CYTH4: variants seen among roughly 807,000 people sequenced by gnomAD.
CYTH4 encodes cytohesin 4, also known as cytohesin-4.
A neutral mutation model predicts 57.5 loss-of-function variants in CYTH4; 22 were observed. The observed-to-expected ratio is 0.38, with a 90% confidence interval of 0.27 to 0.55. The LOEUF is 0.55. Ranked by LOEUF, CYTH4 falls within the 20% of genes least tolerant of loss-of-function variation. CYTH4 has a pLI of 0.74. For synonymous variants in CYTH4, 186 were observed against 206.5 expected, an observed-to-expected ratio of 0.90 and a Z score of 0.85; for missense variants, 420 against 535.6, an observed-to-expected ratio of 0.78 and a Z score of 2.13.
intron 1 of CYTH4, among the ~76,000 whole-genome samples, chr22:37,285,580 G>A (rs973407470): frequency 1.3e-5 from 2 of 151,924 alleles, no homozygotes; most frequent in African/African-American, 2.4e-5. Context: ...GCCTGGTGGT[G>A]GGCGCCTGTA....
chr22:37,311,399 C>T lies in CYTH4; in HGVS notation c.886-57C>T. 2 of 1,475,588 alleles carry T rather than the reference C, an allele frequency of 1.4e-6. No homozygotes were observed. Among genetic ancestry groups the T allele is most frequent in the Admixed American group, 1.7e-5 (1 of 59,578 alleles). The allele number at this position is 1,475,588 out of a possible 1,614,324, so 91.4% of individuals were successfully genotyped here. On this transcript the variant is annotated intron_variant, in intron 10 of 12. Coordinates refer to ENST00000248901, the MANE Select transcript of CYTH4 (RefSeq NM_013385.5). This position sits in a 1 kb window ranked among gnomAD's most constrained non-coding sequence, Gnocchi z 4.4. ...GGGAACCCCACACGTTCACACCCTG[C>T]CTTGGGCCTCAGGGTTCCGCTTCCT...
intron 8 of CYTH4, among the ~76,000 whole-genome samples, chr22:37,308,518 G>A (rs971061002): frequency 6.6e-6 from 1 of 151,082 alleles, no homozygotes; most frequent in Non-Finnish European, 1.5e-5. Flanking sequence ...GTGAGCGTGT[G>A]TATATGTGTC....
chr22:37,286,698 G>A (rs1249569599), intron 1 of CYTH4, among the ~76,000 whole-genome samples: 1 of 152,168 alleles, frequency 6.6e-6, no homozygotes, highest in African/African-American at 2.4e-5. Flanking sequence ...GCTTTTGGAA[G>A]GCTAGAGCTC....
chr22:37,294,848 G>A, intron 3 of CYTH4, 124 bp downstream of exon 3: 1 of 1,180,810 alleles, frequency 8.5e-7, no homozygotes, highest in Non-Finnish European at 1.2e-6. Flanking sequence ...GATTGGCCAG[G>A]GAGAAGGAGG....
At chr22:37,310,812 C>A (rs1215129258) in intron 9 of CYTH4, among the ~76,000 whole-genome samples, 176 bp from the exon 10 acceptor site, 1 of 152,116 alleles carries the variant, frequency 6.6e-6, no homozygotes, top group African/African-American at 2.4e-5. Context: ...ATTACAGGAG[C>A]CACTAAGGTT....
In CYTH4 at chr22:37,298,011, G is replaced by A. The variant is rs996179582; in HGVS notation, c.353+329G>A. ...GTGGGAGAGACAGGTCTCAATAGTT[G>A]TAAAATATGTTAGAGAATGATAAGC... On this transcript the variant is annotated intron_variant, in intron 5 of 12. Coordinates refer to ENST00000248901, the MANE Select transcript of CYTH4 (RefSeq NM_013385.5). The surrounding 1 kb of genome is among the most constrained non-coding windows in gnomAD (Gnocchi z 4.1). 2 of 207,666 alleles carry A rather than the reference G, an allele frequency of 9.6e-6. No individual in the cohort carries two copies. The highest frequency in any genetic ancestry group is 4.6e-5 in the African/African-American group (2 of 43,042). The allele number at this position is 207,666 out of a possible 1,614,324, so 12.9% of individuals were successfully genotyped here.
At chr22:37,313,311 G>T (rs1243202333) in intron 12 of CYTH4, 128 bp from the exon 13 acceptor site, 1 of 886,790 alleles carries the variant, frequency 1.1e-6, no homozygotes, top group South Asian at 1.5e-5. Context: ...GGGCCATCTG[G>T]CCTTTCCCCC....
At position 37,300,632 on chromosome 22, in the gene CYTH4, G is replaced by A. The variant is rs1929144052; in HGVS notation, c.435-275G>A. 2.0e-5 allele frequency among the ~76,000 whole-genome samples: 3 copies of A among 152,352 alleles called. No homozygotes were observed. The South Asian group carries it at 6.2e-4, about 32-fold the overall frequency. On this transcript the variant is annotated intron_variant, in intron 6 of 12. Coordinates refer to ENST00000248901, the MANE Select transcript of CYTH4 (RefSeq NM_013385.5). Reference sequence around the variant, plus strand: ...GCAGAGGCCGTCCCCCTTCCCAGCTGAGGCAGACTGGGCTGCAGTCAGTGC... The same window carrying A: ...GCAGAGGCCGTCCCCCTTCCCAGCTAAGGCAGACTGGGCTGCAGTCAGTGC...
Position 37,282,553 on chromosome 22 carries a change from T to C in CYTH4, c.-17T>C, listed in dbSNP as rs1243715833. 6.2e-7 allele frequency: 1 copy of C among 1,613,818 alleles called. No individual in the cohort carries two copies. Among genetic ancestry groups the C allele is most frequent in the South Asian group, 1.1e-5 (1 of 91,048 alleles). ...AGCGACAGGAGCACGGGTCATCTTT[T>C]CCCCAGAGGCGTCGGAATGGACCTG... On this transcript the variant is annotated 5_prime_UTR_variant, in exon 1 of 13. Coordinates refer to ENST00000248901, the MANE Select transcript of CYTH4 (RefSeq NM_013385.5).
intron 7 of CYTH4, chr22:37,302,022 A>T (rs1313469487): frequency 1.8e-5 from 3 of 168,836 alleles, no homozygotes; most frequent in African/African-American, 7.2e-5. Flanking sequence ...CCATACATCA[A>T]CCGTTTGAGG....
chr22:37,292,233 A>C, intron 1 of CYTH4: 1 of 181,078 alleles, frequency 5.5e-6, no homozygotes, highest in Non-Finnish European at 1.2e-5. Context: ...CGGGGAAGGA[A>C]TGCGTGCCTT....
rs768992143 is a variant in CYTH4, at chr22:37,282,559, G to A, written c.-11G>A. The A allele has an allele frequency of 4.6e-5, 74 of 1,613,704 alleles. No homozygotes were observed. The highest frequency in any genetic ancestry group is 5.9e-5 in the Non-Finnish European group (70 of 1,179,882). On this transcript the variant is annotated 5_prime_UTR_variant, in exon 1 of 13. Coordinates refer to ENST00000248901, the MANE Select transcript of CYTH4 (RefSeq NM_013385.5). The stretch of plus-strand genomic sequence containing the variant: ...AGGAGCACGGGTCATCTTTTCCCCA[G>A]AGGCGTCGGAATGGACCTGTGCCAC...
At chr22:37,288,360 A>G (rs1928626250) in intron 1 of CYTH4, among the ~76,000 whole-genome samples, 1 of 151,564 alleles carries the variant, frequency 6.6e-6, no homozygotes, top group Non-Finnish European at 1.5e-5. Context: ...TGCAGTGAGC[A>G]AAGGTCGTGC....
chr22:37,310,569 T>C (rs1007088142), intron 9 of CYTH4, among the ~76,000 whole-genome samples: 7 of 152,242 alleles, frequency 4.6e-5, no homozygotes, highest in Non-Finnish European at 1.0e-4. Flanking sequence ...CTCCTCTTCA[T>C]ACGTGGTTGT....
rs1473224821 is a variant in CYTH4, at chr22:37,310,031, A to C, written c.808+708A>C. The C allele has an allele frequency of 1.3e-5, 6 of 468,704 alleles. No homozygotes were observed. In the East Asian group the frequency reaches 2.8e-4, roughly 22 times the overall value. 29.0% of individuals were successfully genotyped at this position (468,704 alleles called of 1,614,324 possible). On this transcript the variant is annotated intron_variant, in intron 9 of 12. Transcript: ENST00000248901. ...AAGCCGGGGACAGCGCCTCCAGGGC[A>C]GGTGAGGACAGATGCCTCATGTTGA...
intron 8 of CYTH4, among the ~76,000 whole-genome samples, chr22:37,306,536 A>G (rs1165762294): frequency 6.6e-6 from 1 of 152,264 alleles, no homozygotes; most frequent in Non-Finnish European, 1.5e-5. Context: ...CCCTCTGCAG[A>G]GGCCAGAAGC....
intron 1 of CYTH4, among the ~76,000 whole-genome samples, chr22:37,283,345 C>T (rs1408208639): frequency 6.6e-6 from 1 of 152,152 alleles, no homozygotes; most frequent in East Asian, 1.9e-4. Flanking sequence ...AATTGAAGGC[C>T]CGGTAGAGGG....
intron 1 of CYTH4, 86 bp downstream of exon 1, chr22:37,282,674 T>TA (rs1323577825): frequency 9.8e-6 from 12 of 1,223,016 alleles, no homozygotes; most frequent in Non-Finnish European, 1.4e-5. Flanking sequence ...GGGTCCTAGA[T>TA]AAAGGAATAC....
At position 37,283,602 on chromosome 22, in the gene CYTH4, C is replaced by G. The variant is rs6000651; in HGVS notation, c.19+1014C>G. 7.9e-3 allele frequency among the ~76,000 whole-genome samples: 1,206 copies of G among 152,170 alleles called. 24 individuals are homozygous for G. Among genetic ancestry groups the G allele is most frequent in the African/African-American group, 0.028 (1,153 of 41,484 alleles). The stretch of plus-strand genomic sequence containing the variant: ...TGGAAGCCTCGGGCCCCAGGGAACC[C>G]AGAGAACCACTGATCCATTTCAACA... On this transcript the variant is annotated intron_variant, in intron 1 of 12. Transcript: ENST00000248901.
Sources: allele counts gnomAD v4.1 joint callset (sites outside exome capture counted in the v4.1 genomes callset), GRCh38; gene constraint gnomAD v4.1.1; non-coding constraint Gnocchi (gnomAD v3.1); transcripts MANE v1.5; gene names NCBI Gene and HGNC (gene_info 2026-07-23, HGNC 2026-07-21).